EVPLL: variants seen among roughly 807,000 people sequenced by gnomAD.
EVPLL encodes envoplakin like.
EVPLL carries 39 observed loss-of-function variants against 46.2 expected under a neutral mutation model. That is an observed-to-expected ratio of 0.84 (90% CI 0.65 to 1.10). The LOEUF (loss-of-function observed/expected upper bound fraction) is 1.10, where lower values mean the gene tolerates loss of function less well. EVPLL is among the 50% of genes least tolerant of loss of function. The pLI, the probability that EVPLL is intolerant of heterozygous loss-of-function variation, is 0.00. For missense variants in EVPLL, 385 were observed against 412.6 expected, an observed-to-expected ratio of 0.93 and a Z score of 0.58; for synonymous variants, 156 against 165.8, an observed-to-expected ratio of 0.94 and a Z score of 0.46.
intron 9 of EVPLL, among the ~76,000 whole-genome samples, chr17:18,386,983 C>T (rs1987786352): frequency 6.6e-6 from 1 of 151,732 alleles, no homozygotes; most frequent in Admixed American, 6.6e-5. Flanking sequence ...CAAGCTCCAC[C>T]TCCTGGGTTC....
chr17:18,378,962 C>T (rs1292333183), intron 1 of EVPLL, among the ~76,000 whole-genome samples: 1 of 152,044 alleles, frequency 6.6e-6, no homozygotes, highest in East Asian at 1.9e-4. Flanking sequence ...TGCCTGTAGT[C>T]AGAGCTACTT....
At chr17:18,384,918 G>A (rs1367503505) in intron 9 of EVPLL, among the ~76,000 whole-genome samples, 1 of 152,046 alleles carries the variant, frequency 6.6e-6, no homozygotes. Flanking sequence ...CGAAAGATGG[G>A]TAGAAAGAGA....
Position 18,383,560 on chromosome 17 carries a change from G to A in EVPLL, c.849G>A (p.Gln283=). Residue 283 remains glutamine, a synonymous_variant, in exon 9 of 11, where the codon CAG becomes CAA. Coordinates refer to ENST00000399134, the MANE Select transcript of EVPLL (RefSeq NM_001145127.2). ...FLNLCICQET[Q]LQHVEDYSRI... The stretch of plus-strand genomic sequence containing the variant: ...ACCTGTGCATCTGCCAGGAGACCCA[G>A]CTCCAGCACGTGGAGGACTACAGCC... The A allele has an allele frequency of 2.6e-6, 4 of 1,524,898 alleles. No homozygotes were observed. The highest frequency in any genetic ancestry group is 3.5e-6 in the Non-Finnish European group (4 of 1,132,058). 94.5% of individuals were successfully genotyped at this position (1,524,898 alleles called of 1,614,324 possible).
chr17:18,388,530 G>C (rs1462769662), intron 10 of EVPLL: 2 of 340,612 alleles, frequency 5.9e-6, no homozygotes, highest in Non-Finnish European at 1.1e-5. Context: ...CCCAGACAGT[G>C]CATCCAGATG....
At position 18,381,855 on chromosome 17, in the gene EVPLL, G is replaced by C; in HGVS notation, c.346+125G>C. ...GGTGTCTCAGGGGTCTGGGCAGGGA[G>C]ACAGCAGAGGAGACAGTGCAGTCAG... is the stretch of plus-strand genomic sequence containing the variant. On this transcript the variant is annotated intron_variant, in intron 4 of 10. Transcript: ENST00000399134. The surrounding 1 kb of genome is among the most constrained non-coding windows in gnomAD (Gnocchi z 4.2). 1 of 1,451,752 alleles carries C rather than the reference G, an allele frequency of 6.9e-7. No homozygotes were observed. Among genetic ancestry groups the C allele is most frequent in the Non-Finnish European group, 9.4e-7 (1 of 1,064,668 alleles). 89.9% of individuals were successfully genotyped at this position (1,451,752 alleles called of 1,614,324 possible).
At chr17:18,380,300 C>G (rs1470781851) in intron 1 of EVPLL, 1 of 152,566 alleles carries the variant, frequency 6.6e-6, no homozygotes, top group African/African-American at 2.4e-5. Flanking sequence ...AGGGCACAAT[C>G]TGGGCTTTGA....
intron 1 of EVPLL, chr17:18,380,079 C>T (rs1987510345): frequency 6.6e-6 from 1 of 152,378 alleles, no homozygotes; most frequent in Non-Finnish European, 1.5e-5. Context: ...TTCCCCTGCC[C>T]CAGGATAATG....
intron 5 of EVPLL, 43 bp downstream of exon 5, chr17:18,382,681 C>A: frequency 6.4e-7 from 1 of 1,552,422 alleles, no homozygotes; most frequent in Non-Finnish European, 8.7e-7. Flanking sequence ...CCAGCCCCAG[C>A]CCCTGTTTTT....
rs1283194192 is a variant in EVPLL at position 18,382,875 on chromosome 17, G to A, written c.511+11G>A. 6.2e-7 allele frequency: 1 copy of A among 1,612,376 alleles called. No individual in the cohort carries two copies. The highest frequency in any genetic ancestry group is 1.1e-5 in the South Asian group (1 of 90,810). ...TACCGAGACCTACTGGTGAGCAGGA[G>A]GGAGGGTCGGGCAGGGTGGCTGCAG... On this transcript the variant is annotated intron_variant, in intron 6 of 10. Coordinates refer to ENST00000399134, the MANE Select transcript of EVPLL (RefSeq NM_001145127.2).
At chr17:18,388,075 A>G in intron 9 of EVPLL, 144 bp from the exon 10 acceptor site, 1 of 244,616 alleles carries the variant, frequency 4.1e-6, no homozygotes, top group South Asian at 1.5e-4. Flanking sequence ...AAATTTATTT[A>G]TAGTGTGTGT....
At position 18,386,804 on chromosome 17, in the gene EVPLL, G is replaced by A. The variant is rs538237843; in HGVS notation, c.877-1415G>A. Among the ~76,000 whole-genome samples the A allele has an allele frequency of 2.6e-5, 4 of 152,178 alleles. No homozygotes were observed. In the East Asian group the frequency reaches 5.8e-4, roughly 22 times the overall value. ...ATAGGGTGCTTCTGGAACAGCCGGG[G>A]TGTTAGGGGTGCTGAAAAGGTGTTA... On this transcript the variant is annotated intron_variant, in intron 9 of 10. Transcript: ENST00000399134.
At chr17:18,383,798 C>T in intron 9 of EVPLL, 1 of 558,418 alleles carries the variant, frequency 1.8e-6, no homozygotes, top group Admixed American at 3.1e-5. Flanking sequence ...CATGGTGAAA[C>T]CCTGTCTCTA....
Position 18,381,185 on chromosome 17 carries a change from G to C in EVPLL, c.64-182G>C, listed in dbSNP as rs988811180. On this transcript the variant is annotated intron_variant, in intron 2 of 10. Coordinates refer to ENST00000399134, the MANE Select transcript of EVPLL (RefSeq NM_001145127.2). This position sits in a 1 kb window ranked among gnomAD's most constrained non-coding sequence, Gnocchi z 4.2. Reference sequence around the variant, plus strand: ...AGGGCTCAACTTCCTTCTTTGCTGGGCTCCCCTGTGTCTTTGTCACCTGCC... The same window carrying C: ...AGGGCTCAACTTCCTTCTTTGCTGGCCTCCCCTGTGTCTTTGTCACCTGCC... 8.2e-7 allele frequency: 1 copy of C among 1,213,758 alleles called. No individual in the cohort carries two copies. The highest frequency in any genetic ancestry group is 1.5e-5 in the African/African-American group (1 of 65,740). The allele number at this position is 1,213,758 out of a possible 1,614,324, so 75.2% of individuals were successfully genotyped here. A position where few individuals can be genotyped will look rare whatever the true frequency, so the allele number is the denominator to read the frequency against.
At chr17:18,382,715 G>T in intron 5 of EVPLL, 77 bp downstream of exon 5, 2 of 1,555,862 alleles carry the variant, frequency 1.3e-6, no homozygotes, top group Non-Finnish European at 1.7e-6. Context: ...GAGCTAGATC[G>T]GCTGGGCCCT....
chr17:18,379,612 C>T (rs1316536928), intron 1 of EVPLL, among the ~76,000 whole-genome samples: 1 of 152,198 alleles, frequency 6.6e-6, no homozygotes, highest in African/African-American at 2.4e-5. Flanking sequence ...CCTCAGGGCC[C>T]TGTTGGCTCT....
At chr17:18,386,985 C>T (rs1987786516) in intron 9 of EVPLL, among the ~76,000 whole-genome samples, 1 of 151,596 alleles carries the variant, frequency 6.6e-6, no homozygotes, top group Non-Finnish European at 1.5e-5. Flanking sequence ...AGCTCCACCT[C>T]CTGGGTTCAT....
At chr17:18,386,186 G>A (rs571287937) in intron 9 of EVPLL, among the ~76,000 whole-genome samples, 1 of 152,314 alleles carries the variant, frequency 6.6e-6, no homozygotes, top group South Asian at 2.1e-4. Context: ...CTCCTGGCGT[G>A]TAGGTGGCCT....
chr17:18,383,132 C>A lies in EVPLL; in HGVS notation c.619C>A (p.Gln207Lys). 6.4e-7 allele frequency: 1 copy of A among 1,551,104 alleles called. No homozygotes were observed. Among genetic ancestry groups the A allele is most frequent in the South Asian group, 1.2e-5 (1 of 85,108 alleles). ...LAEQQRRILQQDWSDLMADPA... is the reference protein window; with the variant it reads ...LAEQQRRILQKDWSDLMADPA... Reference sequence around the variant, plus strand: ...GGAGCAGCAGCGCCGCATCCTGCAGCAGGACTGGAGCGACCTCATGGCCGA... The same window carrying A: ...GGAGCAGCAGCGCCGCATCCTGCAGAAGGACTGGAGCGACCTCATGGCCGA... The change falls in exon 7 of 11, where the codon CAG (glutamine) becomes AAG (lysine). Residue 207 changes from glutamine (Q) to lysine (K), a missense_variant. Gln to Lys is a moderately conservative substitution (Grantham distance 53). Transcript: ENST00000399134.
Position 18,383,516 on chromosome 17 carries a change from G to A in EVPLL, c.805G>A (p.Glu269Lys). 6.3e-7 allele frequency: 1 copy of A among 1,585,512 alleles called. No individual in the cohort carries two copies. The highest frequency in any genetic ancestry group is 2.3e-5 in the East Asian group (1 of 43,756). ...IQAHQEALKM[E>K]WQNFLNLCIC... Reference sequence around the variant, plus strand: ...GGCCCACCAGGAGGCCCTGAAGATGGAGTGGCAGAACTTCCTGAACCTGTG... The same window carrying A: ...GGCCCACCAGGAGGCCCTGAAGATGAAGTGGCAGAACTTCCTGAACCTGTG... Residue 269 changes from glutamate (E) to lysine (K), a missense_variant, in exon 9 of 11, where the codon GAG (glutamate) becomes AAG (lysine). Coordinates refer to ENST00000399134, the MANE Select transcript of EVPLL (RefSeq NM_001145127.2).
Sources: allele counts gnomAD v4.1 joint callset (sites outside exome capture counted in the v4.1 genomes callset), GRCh38; gene constraint gnomAD v4.1.1; non-coding constraint Gnocchi (gnomAD v3.1); transcripts MANE v1.5; gene names NCBI Gene and HGNC (gene_info 2026-07-23, HGNC 2026-07-21).